The following RIMS1 variants were observed in gnomAD, a reference collection of about 807,000 sequenced individuals.
RIMS1 encodes the protein regulating synaptic membrane exocytosis 1, also known as regulating synaptic membrane exocytosis protein 1.
RIMS1 carries 83 observed loss-of-function variants against 214.1 expected under a neutral mutation model. The observed-to-expected ratio is 0.39, with a 90% CI of 0.32 to 0.47. The LOEUF is 0.47. Among genes scored for constraint, RIMS1 ranks in the 20% least tolerant of loss-of-function variants. The pLI is 0.99. For missense variants in RIMS1, 2,050 were observed against 2,161.8 expected (o/e 0.95, Z 1.03); for synonymous variants, 793 against 786.8 (o/e 1.01, Z -0.13).
rs184058600 is a variant in RIMS1 at position 72,084,932 on chromosome 6, A to T, written c.246-12017A>T. On this transcript the variant is annotated intron_variant, in intron 2 of 33. Transcript: ENST00000521978. The stretch of plus-strand genomic sequence containing the variant: ...AAAAACCCTTAATATATAATTTTTT[A>T]AAAGGGTATGTAGAATGATAGTCAT... Among the ~76,000 whole-genome samples the T allele has an allele frequency of 6.6e-3, 1,003 of 152,242 alleles. 4 individuals are homozygous for T. The highest frequency in any genetic ancestry group is 0.024 in the Middle Eastern group (7 of 294).
intron 2 of RIMS1, among the ~76,000 whole-genome samples, chr6:72,011,563 T>G (rs568240434): frequency 1.3e-5 from 2 of 151,734 alleles, no homozygotes; most frequent in Non-Finnish European, 1.5e-5. Context: ...TCGGAGAAAA[T>G]TTTTGCAATC....
intron 31 of RIMS1, among the ~76,000 whole-genome samples, chr6:72,395,889 T>C (rs1335181971): frequency 6.6e-6 from 1 of 151,804 alleles, no homozygotes; most frequent in Non-Finnish European, 1.5e-5. Context: ...TATGTACATA[T>C]TATGTATCAA....
chr6:71,908,879 A>G (rs1776083527), intron 1 of RIMS1, among the ~76,000 whole-genome samples: 1 of 152,172 alleles, frequency 6.6e-6, no homozygotes, highest in Non-Finnish European at 1.5e-5. Context: ...TTGTTTTGCA[A>G]AGAGTATGTA....
rs754074358 is a variant in RIMS1, at chr6:72,097,173, C to T, written c.459+11C>T. ...CTACGGTCAAACAACGTGAGTATTC[C>T]ATGAACATAAGGGGCGTTGTGAATG... On this transcript the variant is annotated intron_variant, in intron 3 of 33. Transcript: ENST00000521978. 1 of 1,611,264 alleles carries T rather than the reference C, an allele frequency of 6.2e-7. No individual in the cohort carries two copies. Among genetic ancestry groups the T allele is most frequent in the South Asian group, 1.1e-5 (1 of 90,946 alleles).
intron 28 of RIMS1, among the ~76,000 whole-genome samples, chr6:72,314,137 G>C (rs1354083638): frequency 6.6e-6 from 1 of 152,098 alleles, no homozygotes; most frequent in Non-Finnish European, 1.5e-5. Flanking sequence ...GAGTTGAAAG[G>C]CATTTGCGTC....
chr6:72,209,774 G>T (rs1182232707), intron 6 of RIMS1, among the ~76,000 whole-genome samples: 2 of 151,846 alleles, frequency 1.3e-5, no homozygotes, highest in African/African-American at 2.4e-5. Context: ...GGTGGCAGGC[G>T]CCTGTAGTCC....
At chr6:72,124,421 C>T (rs571038746) in intron 4 of RIMS1, among the ~76,000 whole-genome samples, 9 of 151,816 alleles carry the variant, frequency 5.9e-5, no homozygotes, top group Non-Finnish European at 1.3e-4. Context: ...TCCTTCATTT[C>T]AACCTTGGTG....
At chr6:72,010,229 C>A (rs1584827569) in intron 2 of RIMS1, among the ~76,000 whole-genome samples, 1 of 152,034 alleles carries the variant, frequency 6.6e-6, no homozygotes, top group African/African-American at 2.4e-5. Context: ...AGAAAAAAAA[C>A]ACATGATTAT....
chr6:72,173,574 A>G (rs907408032), intron 4 of RIMS1, among the ~76,000 whole-genome samples: 4 of 151,954 alleles, frequency 2.6e-5, no homozygotes, highest in African/African-American at 7.3e-5. Context: ...CAGTTTTACC[A>G]TTAATTTTAA....
intron 1 of RIMS1, among the ~76,000 whole-genome samples, chr6:71,889,515 T>TA (rs1221011990): frequency 1.3e-5 from 2 of 152,220 alleles, no homozygotes; most frequent in Non-Finnish European, 2.9e-5. Context: ...ACCTCTGTAT[T>TA]AACTTTATCC....
chr6:72,239,393 A>G (rs1222263611), intron 9 of RIMS1, among the ~76,000 whole-genome samples: 1 of 152,194 alleles, frequency 6.6e-6, no homozygotes, highest in African/African-American at 2.4e-5. Context: ...TTAAAGAACT[A>G]TAAAACAGAC....
intron 2 of RIMS1, among the ~76,000 whole-genome samples, chr6:71,991,980 A>G (rs529021): frequency 0.82 from 125,194 of 152,116 alleles, 52,041 homozygotes; most frequent in East Asian, 1. Flanking sequence ...CAGGAGAATC[A>G]CTTTAACGGG....
intron 2 of RIMS1, among the ~76,000 whole-genome samples, chr6:72,018,688 A>T (rs905018351): frequency 1.3e-5 from 2 of 152,150 alleles, no homozygotes; most frequent in Non-Finnish European, 2.9e-5. Flanking sequence ...TAGAGGCTGG[A>T]GAGAAAAACA....
At chr6:71,942,429 TTA>T (rs767444808) in intron 1 of RIMS1, among the ~76,000 whole-genome samples, 2 of 152,212 alleles carry the variant, frequency 1.3e-5, no homozygotes. Flanking sequence ...TATATAGATA[TTA>T]TACATATATT....
At chr6:72,390,574 GT>G in intron 29 of RIMS1, 23 bp from the exon 30 acceptor site, 1 of 1,596,078 alleles carries the variant, frequency 6.3e-7, no homozygotes, top group Non-Finnish European at 8.5e-7. Context: ...AAAACTTAGA[GT>G]TTCTTTTACT....
Position 72,401,906 on chromosome 6 carries a change from T to G in RIMS1, c.*1192T>G, listed in dbSNP as rs1456322144. The G allele has an allele frequency of 6.5e-6, 1 of 152,686 alleles. No individual in the cohort carries two copies. The highest frequency in any genetic ancestry group is 1.5e-5 in the Non-Finnish European group (1 of 68,046). The allele number at this position is 152,686 out of a possible 1,614,324, so 9.5% of individuals were successfully genotyped here. On this transcript the variant is annotated 3_prime_UTR_variant, in exon 34 of 34. Coordinates refer to ENST00000521978, the MANE Select transcript of RIMS1 (RefSeq NM_014989.7). ...TTTGAGATTGATGCAAGCACAAAGC[T>G]TGATTTTTTAATGCAAAGTATCTTA...
chr6:72,071,559 A>G (rs1223446506), intron 2 of RIMS1, among the ~76,000 whole-genome samples: 1 of 152,222 alleles, frequency 6.6e-6, no homozygotes, highest in East Asian at 1.9e-4. Flanking sequence ...TTGCATAAAT[A>G]AAACAACCAC....
chr6:72,109,021 G>C (rs1283453208), intron 4 of RIMS1, among the ~76,000 whole-genome samples: 1 of 151,866 alleles, frequency 6.6e-6, no homozygotes, highest in African/African-American at 2.4e-5. Context: ...CCCTACAAAG[G>C]ACATGAACTC....
chr6:72,257,464 C>T (rs1377488640), intron 16 of RIMS1, among the ~76,000 whole-genome samples: 1 of 151,988 alleles, frequency 6.6e-6, no homozygotes, highest in Admixed American at 6.6e-5. Context: ...ATGTGTAAGG[C>T]AGATTTGGCG....
Sources: allele counts gnomAD v4.1 joint callset (sites outside exome capture counted in the v4.1 genomes callset), GRCh38; gene constraint gnomAD v4.1.1; transcripts MANE v1.5; gene names NCBI Gene and HGNC (gene_info 2026-07-23, HGNC 2026-07-21).